THAP12: variants seen among roughly 807,000 people sequenced by gnomAD.
The protein encoded by THAP12 is THAP domain containing 12, also known as 52 kDa repressor of the inhibitor of the protein kinase.
In THAP12, 20 loss-of-function variants were observed where a neutral mutation model predicts 63.0. The ratio of observed to expected loss-of-function variants is 0.32; its 90% CI spans 0.22 to 0.46. The LOEUF (loss-of-function observed/expected upper bound fraction) is 0.46, where lower values mean the gene tolerates loss of function less well. THAP12 is among the 20% of genes least tolerant of loss of function. The probability of loss-of-function intolerance (pLI) is 1.00; values close to 1 mark genes in which losing one functional copy is unlikely to be tolerated. For synonymous variants in THAP12, 264 were observed against 328.4 expected, an observed-to-expected ratio of 0.80 and a Z score of 2.12; for missense variants, 568 against 908.2, an observed-to-expected ratio of 0.63 and a Z score of 4.81.
chr11:76,375,750 G>GGGT (rs1555025969), intron 1 of THAP12, among the ~76,000 whole-genome samples: 1 of 115,442 alleles, frequency 8.7e-6, no homozygotes. Flanking sequence ...GAAAAGGTGG[G>GGGT]GGGGGGGTGG....
At chr11:76,358,222 A>G (rs1418721965) in intron 3 of THAP12, 1 of 151,896 alleles carries the variant, frequency 6.6e-6, no homozygotes, top group African/African-American at 2.4e-5. Flanking sequence ...TACCCAACTT[A>G]TTTTATGAGG....
chr11:76,361,155 C>G, intron 2 of THAP12, 92 bp from the exon 3 acceptor site: 1 of 768,438 alleles, frequency 1.3e-6, no homozygotes, highest in East Asian at 2.7e-5. Flanking sequence ...CACAATATTC[C>G]TTCAACTCCA....
chr11:76,352,312 C>T lies in THAP12; in HGVS notation c.838G>A (p.Val280Met). 1 of 1,611,922 alleles carries T rather than the reference C, an allele frequency of 6.2e-7. No individual in the cohort carries two copies. The change falls in exon 5 of 5, where the codon GTG becomes ATG. Residue 280 changes from valine (V) to methionine (M), a missense_variant. Transcript: ENST00000260045. ...IAGEEHLPVL[V>M]RFVDESHNLR... Reference sequence around the variant, plus strand: ...TTATGAGATTCATCAACAAACCTCACCAACACAGGTAGGTGCTCTTCCCCT... The same window carrying T: ...TTATGAGATTCATCAACAAACCTCATCAACACAGGTAGGTGCTCTTCCCCT...
intron 1 of THAP12, among the ~76,000 whole-genome samples, chr11:76,380,291 T>C (rs372987789): frequency 9.1e-4 from 138 of 152,130 alleles, no homozygotes; most frequent in African/African-American, 3.2e-3. Flanking sequence ...TGAAAGAAGG[T>C]AGCGGGACTC....
Position 76,380,789 on chromosome 11 carries a change from C to T in THAP12, c.48G>A (p.Gln16=). The change falls in exon 1 of 5, where the codon CAG becomes CAA. Residue 16 remains glutamine, a synonymous_variant. Coordinates refer to ENST00000260045, the MANE Select transcript of THAP12 (RefSeq NM_004705.4). ...GGAACCTGAAGAAGGCCAAGTCGGA[C>T]TGCGTGCTCTTCCGCGTGCAGTTGG... ...AAPNCTRKST[Q]SDLAFFRFPR... 6.8e-7 allele frequency: 1 copy of T among 1,467,048 alleles called. No individual in the cohort carries two copies. Among genetic ancestry groups the T allele is most frequent in the Non-Finnish European group, 9.1e-7 (1 of 1,104,012 alleles). The allele number at this position is 1,467,048 out of a possible 1,614,324, so 90.9% of individuals were successfully genotyped here.
At chr11:76,380,246 TGAC>T (rs1946743495) in intron 1 of THAP12, among the ~76,000 whole-genome samples, 2 of 140,684 alleles carry the variant, frequency 1.4e-5, no homozygotes. Context: ...AACCGTGCAA[TGAC>T]AAGTCCGAAG....
At chr11:76,357,142 C>T (rs527334578) in intron 3 of THAP12, 1 of 152,142 alleles carries the variant, frequency 6.6e-6, no homozygotes, top group Non-Finnish European at 1.5e-5. Flanking sequence ...CAACTATTTA[C>T]ATAGCACTAC....
intron 2 of THAP12, among the ~76,000 whole-genome samples, chr11:76,363,327 C>T (rs1336485685): frequency 6.6e-6 from 1 of 151,976 alleles, no homozygotes; most frequent in African/African-American, 2.4e-5. Context: ...AAATATTTGG[C>T]TCCGGCCAAA....
At chr11:76,373,167 G>A (rs953840601) in intron 1 of THAP12, among the ~76,000 whole-genome samples, 9 of 151,712 alleles carry the variant, frequency 5.9e-5, no homozygotes, top group Admixed American at 3.3e-4. Context: ...GCAACATGGC[G>A]AAACCCTGTC....
At position 76,374,336 on chromosome 11, in the gene THAP12, T is replaced by C. The variant is rs1478241573; in HGVS notation, c.89+6412A>G. Among the ~76,000 whole-genome samples the C allele has an allele frequency of 4.0e-5, 6 of 151,746 alleles. No individual in the cohort carries two copies. In the East Asian group the frequency reaches 1.2e-3, roughly 29 times the overall value. On this transcript the variant is annotated intron_variant, in intron 1 of 4. Coordinates refer to ENST00000260045, the MANE Select transcript of THAP12 (RefSeq NM_004705.4). ...CATAAATTGGTCATTTGGAAAATAT[T>C]AGTTCAGTGAGTTATACATACCATA...
chr11:76,377,733 T>C (rs545934121), intron 1 of THAP12, among the ~76,000 whole-genome samples: 73 of 152,354 alleles, frequency 4.8e-4, no homozygotes, highest in African/African-American at 1.7e-3. Flanking sequence ...GAATATCAGT[T>C]TGCAATTCTT....
intron 4 of THAP12, among the ~76,000 whole-genome samples, chr11:76,353,339 C>T (rs958231952): frequency 3.9e-5 from 6 of 152,140 alleles, no homozygotes; most frequent in Admixed American, 2.0e-4. Context: ...CAGGTGGTAT[C>T]GGCCCCACTT....
chr11:76,360,946 A>G lies in THAP12; in HGVS notation c.318+10T>C. 1 of 1,553,460 alleles carries G rather than the reference A, an allele frequency of 6.4e-7. No homozygotes were observed. The highest frequency in any genetic ancestry group is 2.2e-5 in the East Asian group (1 of 44,540). On this transcript the variant is annotated intron_variant, in intron 3 of 4. Coordinates refer to ENST00000260045, the MANE Select transcript of THAP12 (RefSeq NM_004705.4). ...GGGAAGGTGGGAAAGCTGAAAGTAC[A>G]TAGACATACCAGTTCTTTTATTCGT... is the stretch of plus-strand genomic sequence containing the variant.
At chr11:76,364,446 C>A in intron 2 of THAP12, 1 of 436,312 alleles carries the variant, frequency 2.3e-6, no homozygotes. Context: ...AAAAAAATAT[C>A]AAAATAAATT....
chr11:76,369,238 C>G (rs915380875), intron 1 of THAP12, among the ~76,000 whole-genome samples: 1 of 152,114 alleles, frequency 6.6e-6, no homozygotes, highest in Non-Finnish European at 1.5e-5. Flanking sequence ...AGAGGTAATA[C>G]CAAATATTGG....
At chr11:76,380,631 G>T in intron 1 of THAP12, 117 bp downstream of exon 1, 1 of 761,526 alleles carries the variant, frequency 1.3e-6, no homozygotes. Context: ...ACGGCAGTGC[G>T]CTGCGCCCGC....
At chr11:76,363,497 C>T (rs1007327780) in intron 2 of THAP12, among the ~76,000 whole-genome samples, 5 of 152,176 alleles carry the variant, frequency 3.3e-5, no homozygotes, top group Admixed American at 2.6e-4. Flanking sequence ...ACACGTGCCA[C>T]TGTGCCTTGC....
chr11:76,350,285 G>A lies in THAP12; in HGVS notation c.*579C>T, dbSNP rs1946515894. 6.6e-6 allele frequency: 1 copy of A among 152,274 alleles called. No individual in the cohort carries two copies. The highest frequency in any genetic ancestry group is 6.6e-5 in the Admixed American group (1 of 15,262). The allele number at this position is 152,274 out of a possible 1,614,324, so 9.4% of individuals were successfully genotyped here. A position where few individuals can be genotyped will look rare whatever the true frequency, so the allele number is the denominator to read the frequency against. ...AGGAATGTAAACAGCAACGAGATGT[G>A]GAACAACAGCAGGCTTTTCCATTCA... is the stretch of plus-strand genomic sequence containing the variant. On this transcript the variant is annotated 3_prime_UTR_variant, in exon 5 of 5. Transcript: ENST00000260045.
At chr11:76,366,080 C>T (rs1946628668) in intron 1 of THAP12, 108 bp from the exon 2 acceptor site, 1 of 1,235,488 alleles carries the variant, frequency 8.1e-7, no homozygotes, top group Non-Finnish European at 1.1e-6. Flanking sequence ...CTGCTCCCCT[C>T]CCTGAGAACA....
Sources: gnomAD v4.1 joint callset for allele counts (sites outside exome capture counted in the v4.1 genomes callset) on GRCh38, gnomAD v4.1.1 for gene constraint, MANE v1.5 for transcripts, NCBI Gene and HGNC (gene_info 2026-07-23, HGNC 2026-07-21) for gene names.